The following LRRC59 variants were observed in gnomAD, a reference collection of about 807,000 sequenced individuals.
LRRC59 encodes the protein leucine rich repeat containing 59, also known as leucine-rich repeat-containing protein 59.
Under a neutral mutation model 33.5 loss-of-function variants are expected in LRRC59, and 18 were observed. The observed-to-expected ratio is 0.54, with a 90% confidence interval of 0.37 to 0.80. The LOEUF (loss-of-function observed/expected upper bound fraction) is 0.80, where lower values mean the gene tolerates loss of function less well. Ranked by LOEUF, LRRC59 falls within the 30% of genes least tolerant of loss-of-function variation. LRRC59 has a pLI of 0.00. For synonymous variants in LRRC59, 138 were observed against 160.0 expected, an observed-to-expected ratio of 0.86 and a Z score of 1.04; for missense variants, 330 against 391.9, an observed-to-expected ratio of 0.84 and a Z score of 1.33.
rs1218170080 is a variant in LRRC59 at position 50,388,136 on chromosome 17, C to T, written c.430-4G>A. 1.2e-6 allele frequency: 2 copies of T among 1,613,946 alleles called. No individual in the cohort carries two copies. The highest frequency in any genetic ancestry group is 2.7e-5 in the African/African-American group (2 of 74,898). ...CGGCCTTCATGTGCTGTAACACCTGCAAAGGAAAAGGAGGAAAGTAGTGCT... is the reference window on the plus strand; with the variant it reads ...CGGCCTTCATGTGCTGTAACACCTGTAAAGGAAAAGGAGGAAAGTAGTGCT... On this transcript the variant is annotated splice_region_variant and splice_polypyrimidine_tract_variant and intron_variant, in intron 4 of 6. Coordinates refer to ENST00000225972, the MANE Select transcript of LRRC59 (RefSeq NM_018509.4).
chr17:50,392,637 C>G (rs1205085649), intron 3 of LRRC59, 102 bp downstream of exon 3: 2 of 1,528,802 alleles, frequency 1.3e-6, no homozygotes, highest in Non-Finnish European at 1.8e-6. Context: ...TGAGGCAGGA[C>G]CAACAAGGGG....
chr17:50,396,549 G>A (rs1201734004), intron 1 of LRRC59: 2 of 152,432 alleles, frequency 1.3e-5, no homozygotes, highest in East Asian at 3.9e-4. Context: ...GGAACGGAGT[G>A]GGAAAAGGAG....
intron 2 of LRRC59, among the ~76,000 whole-genome samples, chr17:50,394,118 T>C (rs1031302110): frequency 3.3e-5 from 5 of 152,200 alleles, no homozygotes; most frequent in African/African-American, 1.2e-4. Flanking sequence ...CCTAGGAGAA[T>C]ACTGAGAGGT....
chr17:50,388,631 AAG>A (rs1914069752), intron 4 of LRRC59, among the ~76,000 whole-genome samples: 1 of 152,200 alleles, frequency 6.6e-6, no homozygotes, highest in African/African-American at 2.4e-5. Flanking sequence ...TTAGTTGGAG[AAG>A]AGTGCTATGA....
chr17:50,392,599 CTGTGTT>C, intron 3 of LRRC59, 97 bp from the exon 4 acceptor site: 1 of 1,434,202 alleles, frequency 7.0e-7, no homozygotes, highest in Non-Finnish European at 9.7e-7. Flanking sequence ...GAATGCCCCT[CTGTGTT>C]CCACATATAG....
rs1404439824 is a variant in LRRC59 at position 50,381,719 on chromosome 17, C to G, written c.*1269G>C. Reference sequence around the variant, plus strand: ...CAGTGAATGAGCACCATGACACAGTCATTTCTGATCCCTCTATCCAGCTGT... The same window carrying G: ...CAGTGAATGAGCACCATGACACAGTGATTTCTGATCCCTCTATCCAGCTGT... On this transcript the variant is annotated 3_prime_UTR_variant, in exon 7 of 7. Coordinates refer to ENST00000225972, the MANE Select transcript of LRRC59 (RefSeq NM_018509.4). The G allele has an allele frequency of 6.5e-6, 1 of 152,688 alleles. No individual in the cohort carries two copies. Among genetic ancestry groups the G allele is most frequent in the Non-Finnish European group, 1.5e-5 (1 of 68,046 alleles). The allele number at this position is 152,688 out of a possible 1,614,324, so 9.5% of individuals were successfully genotyped here.
intron 4 of LRRC59, among the ~76,000 whole-genome samples, 191 bp downstream of exon 4, chr17:50,392,203 CAAAT>C (rs1290759381): frequency 6.6e-6 from 1 of 152,072 alleles, no homozygotes; most frequent in East Asian, 1.9e-4. Context: ...TGTCTCAAAA[CAAAT>C]AAAAAACAAA....
chr17:50,389,953 C>T (rs1914101620), intron 4 of LRRC59, among the ~76,000 whole-genome samples: 1 of 151,974 alleles, frequency 6.6e-6, no homozygotes, highest in Non-Finnish European at 1.5e-5. Flanking sequence ...CAAAAATTAG[C>T]TGGGTGTGGT....
Position 50,385,187 on chromosome 17 carries a change from A to G in LRRC59, c.607T>C (p.Tyr203His), listed in dbSNP as rs1913974071. The G allele has an allele frequency of 6.2e-7, 1 of 1,613,656 alleles. No individual in the cohort carries two copies. The highest frequency in any genetic ancestry group is 8.5e-7 in the Non-Finnish European group (1 of 1,179,924). ...AEEKERRRKE[Y>H]DALKAAKREQ... ...CGCTTGGCTGCTTTGAGGGCATCAT[A>G]CTCCTTTCTCCGGCGCTCCTTCTCT... is the stretch of plus-strand genomic sequence containing the variant. The change falls in exon 6 of 7, where the codon TAT becomes CAT. Residue 203 changes from tyrosine to histidine, a missense_variant. Coordinates refer to ENST00000225972, the MANE Select transcript of LRRC59 (RefSeq NM_018509.4).
chr17:50,392,039 A>G (rs1487794240), intron 4 of LRRC59, among the ~76,000 whole-genome samples: 1 of 152,150 alleles, frequency 6.6e-6, no homozygotes, highest in Non-Finnish European at 1.5e-5. Context: ...TCTCCACTAA[A>G]AAATACAAAA....
rs764232630 is a variant in LRRC59 at position 50,382,938 on chromosome 17, A to G, written c.*50T>C. 2.5e-6 allele frequency: 4 copies of G among 1,591,242 alleles called. No individual in the cohort carries two copies. In the Admixed American group the frequency reaches 5.1e-5, roughly 20 times the overall value. ...GTTGTGTCCAGCAGAACCCAATTCCATAGGAATCCAAACTCCAAGGCTGGG... is the reference window on the plus strand; with the variant it reads ...GTTGTGTCCAGCAGAACCCAATTCCGTAGGAATCCAAACTCCAAGGCTGGG... On this transcript the variant is annotated 3_prime_UTR_variant, in exon 7 of 7. Coordinates refer to ENST00000225972, the MANE Select transcript of LRRC59 (RefSeq NM_018509.4).
At chr17:50,384,240 C>G (rs1913946315) in intron 6 of LRRC59, among the ~76,000 whole-genome samples, 1 of 152,082 alleles carries the variant, frequency 6.6e-6, no homozygotes, top group African/African-American at 2.4e-5. Context: ...AGGGGTCTCA[C>G]TGTTGCCCAG....
intron 4 of LRRC59, among the ~76,000 whole-genome samples, chr17:50,391,975 A>G (rs2011834): frequency 0.66 from 99,701 of 152,140 alleles, 33,408 homozygotes; most frequent in African/African-American, 0.7. Flanking sequence ...AAGGTGGGCG[A>G]ATCATTTGAG....
intron 6 of LRRC59, 52 bp downstream of exon 6, chr17:50,385,066 G>A (rs1913968780): frequency 2.5e-6 from 4 of 1,572,222 alleles, no homozygotes; most frequent in African/African-American, 1.4e-5. Flanking sequence ...CTGGAAACAT[G>A]AGTGTCTCCA....
At chr17:50,392,588 A>G (rs1428301733) in intron 3 of LRRC59, 86 bp from the exon 4 acceptor site, 2 of 1,450,074 alleles carry the variant, frequency 1.4e-6, no homozygotes, top group Non-Finnish European at 1.9e-6. Context: ...ATGAGCAGGA[A>G]GAATGCCCCT....
intron 6 of LRRC59, 54 bp downstream of exon 6, chr17:50,385,064 A>T: frequency 1.9e-6 from 3 of 1,580,436 alleles, no homozygotes; most frequent in Non-Finnish European, 2.6e-6. Context: ...GCCTGGAAAC[A>T]TGAGTGTCTC....
At chr17:50,383,776 A>G (rs62062077) in intron 6 of LRRC59, among the ~76,000 whole-genome samples, 1 of 151,984 alleles carries the variant, frequency 6.6e-6, no homozygotes, top group Non-Finnish European at 1.5e-5. Flanking sequence ...CTTTGCAATG[A>G]ACATATGTTA....
At chr17:50,385,760 T>C (rs1450080661) in intron 5 of LRRC59, among the ~76,000 whole-genome samples, 5 of 152,182 alleles carry the variant, frequency 3.3e-5, no homozygotes, top group Non-Finnish European at 7.3e-5. Flanking sequence ...CACTCAAGTT[T>C]AGGGTTAGAA....
chr17:50,383,746 A>G (rs1364578517), intron 6 of LRRC59, among the ~76,000 whole-genome samples: 3 of 152,030 alleles, frequency 2.0e-5, no homozygotes, highest in African/African-American at 7.2e-5. Flanking sequence ...ATCTAGATAG[A>G]TAGGTATCTT....
Sources: allele counts gnomAD v4.1 joint callset (sites outside exome capture counted in the v4.1 genomes callset), GRCh38; gene constraint gnomAD v4.1.1; transcripts MANE v1.5; gene names NCBI Gene and HGNC (gene_info 2026-07-23, HGNC 2026-07-21).